Variants in RARB observed in about 807,000 individuals in gnomAD.
RARB encodes retinoic acid receptor beta.
RARB carries 17 observed loss-of-function variants against 51.9 expected under a neutral mutation model. The observed-to-expected ratio is 0.33, with a 90% CI of 0.22 to 0.49. The LOEUF (loss-of-function observed/expected upper bound fraction) is 0.49, where lower values mean the gene tolerates loss of function less well. Among genes scored for constraint, RARB ranks in the 20% least tolerant of loss-of-function variants. The pLI is 0.99. For synonymous variants in RARB, 215 were observed against 195.4 expected (o/e 1.10, Z -0.84); for missense variants, 369 against 550.8 (o/e 0.67, Z 3.30).
chr3:25,487,438 G>A (rs1432999355), intron 2 of RARB, among the ~76,000 whole-genome samples: 6 of 148,818 alleles, frequency 4.0e-5, no homozygotes, highest in Non-Finnish European at 8.9e-5. Flanking sequence ...AACACACACT[G>A]ATACAATAGA....
intron 3 of RARB, among the ~76,000 whole-genome samples, chr3:25,065,019 T>A (rs147050434): frequency 6.6e-6 from 1 of 152,160 alleles, no homozygotes; most frequent in Non-Finnish European, 1.5e-5. Context: ...TGGTGGCCAT[T>A]GGCTCTGATC....
intron 3 of RARB, among the ~76,000 whole-genome samples, chr3:25,104,188 C>A (rs1699455702): frequency 6.6e-6 from 1 of 152,208 alleles, no homozygotes; most frequent in African/African-American, 2.4e-5. Flanking sequence ...TACCGTACAC[C>A]TGCCTGAATG....
chr3:25,416,112 C>T (rs752612752), intron 5 of RARB, among the ~76,000 whole-genome samples: 7 of 152,210 alleles, frequency 4.6e-5, no homozygotes, highest in Admixed American at 2.0e-4. Context: ...TAAGCAAAGG[C>T]TGGGTGTAGT....
chr3:25,401,482 A>G (rs1008139176), intron 5 of RARB, among the ~76,000 whole-genome samples: 45 of 152,358 alleles, frequency 3.0e-4, no homozygotes, highest in African/African-American at 9.6e-4. Flanking sequence ...ACCATAGGTG[A>G]TCCAGATATT....
At chr3:25,455,624 C>G (rs1384118781) in intron 1 of RARB, among the ~76,000 whole-genome samples, 1 of 152,218 alleles carries the variant, frequency 6.6e-6, no homozygotes, top group Non-Finnish European at 1.5e-5. Flanking sequence ...CTGAGGCTCA[C>G]TGTCTCCACT....
At chr3:25,591,939 C>T (rs1701628691) in intron 5 of RARB, among the ~76,000 whole-genome samples, 1 of 152,214 alleles carries the variant, frequency 6.6e-6, no homozygotes, top group Admixed American at 6.5e-5. Context: ...TGCAGTACAA[C>T]TGTCCCATCA....
chr3:25,039,290 A>C (rs1378929897), intron 2 of RARB, among the ~76,000 whole-genome samples: 1 of 152,252 alleles, frequency 6.6e-6, no homozygotes, highest in African/African-American at 2.4e-5. Context: ...GATTGTTGTT[A>C]AGACCAAACC....
At chr3:25,241,551 T>C (rs1702431634) in intron 5 of RARB, among the ~76,000 whole-genome samples, 1 of 152,196 alleles carries the variant, frequency 6.6e-6, no homozygotes, top group South Asian at 2.1e-4. Flanking sequence ...TACCTATGAA[T>C]GAGAACATGC....
intron 3 of RARB, among the ~76,000 whole-genome samples, chr3:25,072,806 T>A (rs996296904): frequency 7.9e-5 from 12 of 152,076 alleles, no homozygotes; most frequent in Non-Finnish European, 1.6e-4. Flanking sequence ...CCTCCTGGGT[T>A]CACGCCATTC....
At chr3:25,358,926 TG>T (rs1705836294) in intron 5 of RARB, among the ~76,000 whole-genome samples, 1 of 152,128 alleles carries the variant, frequency 6.6e-6, no homozygotes, top group Non-Finnish European at 1.5e-5. Flanking sequence ...TCAGGGATAT[TG>T]GCCTGAAATT....
intron 5 of RARB, among the ~76,000 whole-genome samples, chr3:25,270,254 G>A (rs1243885588): frequency 6.6e-6 from 1 of 152,152 alleles, no homozygotes; most frequent in Non-Finnish European, 1.5e-5. Context: ...TGCATGAATA[G>A]ATAAGCCAAA....
intron 2 of RARB, among the ~76,000 whole-genome samples, chr3:24,923,912 G>C (rs138164717): frequency 6.6e-6 from 1 of 152,210 alleles, no homozygotes; most frequent in African/African-American, 2.4e-5. Flanking sequence ...TTCTATGGTT[G>C]TAGATTCTTA....
At chr3:25,362,715 G>T (rs563528120) in intron 5 of RARB, among the ~76,000 whole-genome samples, 2 of 152,190 alleles carry the variant, frequency 1.3e-5, no homozygotes, top group Non-Finnish European at 2.9e-5. Context: ...GCTTCCCTTG[G>T]TTAGGGGAGG....
chr3:25,206,415 T>A (rs1418282956), intron 5 of RARB, among the ~76,000 whole-genome samples: 1 of 152,206 alleles, frequency 6.6e-6, no homozygotes, highest in Non-Finnish European at 1.5e-5. Flanking sequence ...TGTAAATCAC[T>A]ACTGCTTTAC....
At chr3:24,910,282 T>C (rs1694964518) in intron 2 of RARB, among the ~76,000 whole-genome samples, 1 of 152,206 alleles carries the variant, frequency 6.6e-6, no homozygotes, top group Non-Finnish European at 1.5e-5. Context: ...CTTTCCACCA[T>C]CCCTTCAAAG....
intron 5 of RARB, among the ~76,000 whole-genome samples, chr3:25,593,294 T>C (rs772653819): frequency 2.6e-5 from 4 of 152,280 alleles, no homozygotes; most frequent in Non-Finnish European, 5.9e-5. Flanking sequence ...TTATGTCCTG[T>C]TTAGTGTTTC....
chr3:25,079,001 T>C (rs1698934002), intron 3 of RARB, among the ~76,000 whole-genome samples: 1 of 152,170 alleles, frequency 6.6e-6, no homozygotes, highest in South Asian at 2.1e-4. Flanking sequence ...CTTAATAATA[T>C]TGAGTATTCT....
intron 2 of RARB, among the ~76,000 whole-genome samples, chr3:24,998,936 C>T (rs944753212): frequency 6.6e-6 from 1 of 152,050 alleles, no homozygotes; most frequent in African/African-American, 2.4e-5. Context: ...TATTATCTTG[C>T]AGAAGTCACC....
chr3:25,347,954 C>T (rs1390287103), intron 5 of RARB, among the ~76,000 whole-genome samples: 2 of 152,182 alleles, frequency 1.3e-5, no homozygotes, highest in East Asian at 1.9e-4. Flanking sequence ...TTACTACTTC[C>T]AATTAGTCTA....
Sources: gnomAD v4.1 joint callset for allele counts (sites outside exome capture counted in the v4.1 genomes callset) on GRCh38, gnomAD v4.1.1 for gene constraint, MANE v1.5 for transcripts, NCBI Gene and HGNC (gene_info 2026-07-23, HGNC 2026-07-21) for gene names.